LSAMP: variants seen among roughly 807,000 people sequenced by gnomAD.
The protein encoded by LSAMP is limbic system-associated membrane protein.
A neutral mutation model predicts 38.6 loss-of-function variants in LSAMP; 7 were observed. The observed-to-expected ratio is 0.18, with a 90% confidence interval of 0.10 to 0.34. LSAMP has a LOEUF of 0.34. Among genes scored for constraint, LSAMP ranks in the 10% least tolerant of loss-of-function variants. The pLI, the probability that LSAMP is intolerant of heterozygous loss-of-function variation, is 1.00. For synonymous variants in LSAMP, 154 were observed against 166.8 expected (o/e 0.92, Z 0.59); for missense variants, 313 against 420.0 (o/e 0.75, Z 2.23).
intron 1 of LSAMP, among the ~76,000 whole-genome samples, chr3:116,282,562 C>T (rs902245979): frequency 2.0e-5 from 3 of 152,266 alleles, no homozygotes; most frequent in Middle Eastern, 3.4e-3. Flanking sequence ...ATGTCCCTTA[C>T]GTAGTCTCTA....
chr3:115,984,311 A>G (rs368718963), intron 3 of LSAMP, among the ~76,000 whole-genome samples: 1 of 152,184 alleles, frequency 6.6e-6, no homozygotes, highest in Non-Finnish European at 1.5e-5. Context: ...TATTTTGGGA[A>G]TTATAAATAG....
chr3:116,152,079 A>G (rs1709625722), intron 1 of LSAMP, among the ~76,000 whole-genome samples: 2 of 152,084 alleles, frequency 1.3e-5, no homozygotes, highest in Non-Finnish European at 2.9e-5. Context: ...CTTCTGTACT[A>G]AGATGGTTTT....
chr3:116,185,554 C>A (rs1401515992), intron 1 of LSAMP, among the ~76,000 whole-genome samples: 1 of 152,014 alleles, frequency 6.6e-6, no homozygotes, highest in Admixed American at 6.6e-5. Flanking sequence ...TACTCTCCTT[C>A]ATGTACAAGA....
chr3:116,250,012 C>G (rs925300832), intron 1 of LSAMP, among the ~76,000 whole-genome samples: 1 of 152,024 alleles, frequency 6.6e-6, no homozygotes, highest in African/African-American at 2.4e-5. Context: ...GTTCGTAGAT[C>G]GAGAAAGATA....
intron 1 of LSAMP, among the ~76,000 whole-genome samples, chr3:116,189,014 C>T (rs1282530344): frequency 6.6e-6 from 1 of 152,164 alleles, no homozygotes; most frequent in Non-Finnish European, 1.5e-5. Flanking sequence ...CAACTTTATT[C>T]TAGGTGCTGG....
At chr3:116,235,939 C>A (rs1329579555) in intron 1 of LSAMP, among the ~76,000 whole-genome samples, 1 of 152,184 alleles carries the variant, frequency 6.6e-6, no homozygotes, top group Non-Finnish European at 1.5e-5. Context: ...TAGTCTTTCA[C>A]ATGTTTGTCA....
chr3:116,064,704 A>G (rs1260713136), intron 2 of LSAMP, among the ~76,000 whole-genome samples: 2 of 152,192 alleles, frequency 1.3e-5, no homozygotes, highest in Non-Finnish European at 2.9e-5. Flanking sequence ...TTTAGATTAC[A>G]GTTTCTCTTA....
At chr3:115,838,750 T>C (rs1934880743) in intron 6 of LSAMP, among the ~76,000 whole-genome samples, 6 of 152,178 alleles carry the variant, frequency 3.9e-5, no homozygotes. Context: ...CCTCATTCCA[T>C]GATTTTGACC....
At chr3:116,175,191 C>G (rs1344959576) in intron 1 of LSAMP, among the ~76,000 whole-genome samples, 1 of 151,926 alleles carries the variant, frequency 6.6e-6, no homozygotes, top group Non-Finnish European at 1.5e-5. Flanking sequence ...TTTTTTTAGA[C>G]TATTCTCTGC....
chr3:116,227,262 A>G (rs940304561), intron 1 of LSAMP, among the ~76,000 whole-genome samples: 1 of 152,182 alleles, frequency 6.6e-6, no homozygotes, highest in Non-Finnish European at 1.5e-5. Flanking sequence ...TCTAGTCTCA[A>G]TTTAGTCACT....
intron 3 of LSAMP, among the ~76,000 whole-genome samples, chr3:115,865,712 A>G (rs1037513184): frequency 3.3e-5 from 5 of 152,196 alleles, no homozygotes; most frequent in African/African-American, 1.2e-4. Flanking sequence ...CCATTAGTTT[A>G]TAAAACCTAC....
chr3:115,929,209 A>G (rs1435130562), intron 3 of LSAMP, among the ~76,000 whole-genome samples: 1 of 152,138 alleles, frequency 6.6e-6, no homozygotes, highest in Non-Finnish European at 1.5e-5. Context: ...TAGTCAAAAC[A>G]AAAAACAAAT....
chr3:116,066,275 C>T (rs1473352763), intron 2 of LSAMP, among the ~76,000 whole-genome samples: 1 of 152,158 alleles, frequency 6.6e-6, no homozygotes, highest in Non-Finnish European at 1.5e-5. Flanking sequence ...CCAAATACCA[C>T]ATTTCCAAAT....
chr3:116,385,368 G>A (rs141949453), intron 1 of LSAMP, among the ~76,000 whole-genome samples: 1 of 152,246 alleles, frequency 6.6e-6, no homozygotes. Flanking sequence ...ATAGTAAGGT[G>A]TACATAAGCT....
At chr3:115,942,385 G>C (rs973427336) in intron 3 of LSAMP, among the ~76,000 whole-genome samples, 3 of 152,098 alleles carry the variant, frequency 2.0e-5, no homozygotes, top group African/African-American at 7.2e-5. Flanking sequence ...GTGTCTACTT[G>C]TAAAGACTTT....
chr3:115,945,650 G>C (rs568491984), intron 3 of LSAMP, among the ~76,000 whole-genome samples: 1 of 151,998 alleles, frequency 6.6e-6, no homozygotes, highest in Non-Finnish European at 1.5e-5. Context: ...CAATTTTTCT[G>C]GTCCTAGCAT....
At chr3:115,973,448 G>A (rs914814946) in intron 3 of LSAMP, among the ~76,000 whole-genome samples, 6 of 152,124 alleles carry the variant, frequency 3.9e-5, no homozygotes, top group African/African-American at 1.4e-4. Context: ...ATTAATTTAT[G>A]TTGGCCAGGC....
At chr3:115,825,130 T>A (rs567851275) in intron 6 of LSAMP, among the ~76,000 whole-genome samples, 1 of 152,236 alleles carries the variant, frequency 6.6e-6, no homozygotes, top group Admixed American at 6.5e-5. Context: ...AGAATTTGAA[T>A]GCAAAGATAA....
At chr3:116,182,919 A>T (rs1710520876) in intron 1 of LSAMP, among the ~76,000 whole-genome samples, 1 of 151,882 alleles carries the variant, frequency 6.6e-6, no homozygotes, top group East Asian at 1.9e-4. Flanking sequence ...AGATTTGCTG[A>T]GAGATATCTG....
Sources: gnomAD v4.1 joint callset for allele counts (sites outside exome capture counted in the v4.1 genomes callset) on GRCh38, gnomAD v4.1.1 for gene constraint, MANE v1.5 for transcripts, NCBI Gene and HGNC (gene_info 2026-07-23, HGNC 2026-07-21) for gene names.